Variants in ERAP1 observed in about 807,000 individuals in gnomAD.
The protein encoded by ERAP1 is endoplasmic reticulum aminopeptidase 1, also known as adipocyte-derived leucine aminopeptidase.
Under a neutral mutation model 103.7 loss-of-function variants are expected in ERAP1, and 86 were observed. The observed-to-expected ratio is 0.83, with a 90% CI of 0.70 to 0.99. The LOEUF is 0.99. Among genes scored for constraint, ERAP1 ranks in the 50% least tolerant of loss-of-function variants. The pLI is 0.00. For synonymous variants in ERAP1, 398 were observed against 402.4 expected (o/e 0.99, Z 0.13); for missense variants, 1,009 against 1,128.4 (o/e 0.89, Z 1.52).
chr5:96,803,478 T>G lies in ERAP1; in HGVS notation c.449A>C (p.His150Pro). The G allele has an allele frequency of 1.2e-6, 2 of 1,613,410 alleles. No homozygotes were observed. The highest frequency in any genetic ancestry group is 1.7e-6 in the Non-Finnish European group (2 of 1,179,850). Residue 150 changes from histidine (H) to proline (P), a missense_variant, in exon 2 of 19, where the codon CAC becomes CCC. By Grantham distance (77) the His-to-Pro change is moderately conservative. Coordinates refer to ENST00000443439, the MANE Select transcript of ERAP1 (RefSeq NM_001040458.3). ...AGTCTCCGAAAGATTGCCAGCATAG[T>G]GAATGACAACTGTGTACGGGAGCCC... ...LVGLPYTVVIHYAGNLSETFH... is the reference protein window; with the variant it reads ...LVGLPYTVVIPYAGNLSETFH...
At chr5:96,828,758 G>A in the ERAP1 span, among the ~76,000 whole-genome samples, 1 of 152,104 alleles carries the variant, frequency 6.6e-6, no homozygotes. Context: ...GAGGGGTCTG[G>A]AGAAGGTCAG....
rs1270331761 is a variant in ERAP1 at position 96,797,327 on chromosome 5, C to T, written c.664-18G>A. 1.2e-6 allele frequency: 2 copies of T among 1,613,020 alleles called. No homozygotes were observed. Among genetic ancestry groups the T allele is most frequent in the Admixed American group, 3.3e-5 (2 of 60,002 alleles). On this transcript the variant is annotated intron_variant, in intron 3 of 18. Coordinates refer to ENST00000443439, the MANE Select transcript of ERAP1 (RefSeq NM_001040458.3). ...GATTTCACCTAAAATCAGAATAATT[C>T]AAATTATCAAGTAATCCAATTATCC...
At chr5:96,768,857 C>T (rs1771038790) in intron 19 of ERAP1, 1 of 158,036 alleles carries the variant, frequency 6.3e-6, no homozygotes. Flanking sequence ...AGTTAGAGGC[C>T]TCTCTTCCAT....
At chr5:96,892,446 C>T in the ERAP1 span, 52 of 1,613,622 alleles carry the variant, frequency 3.2e-5, no homozygotes, top group East Asian at 6.7e-5. Flanking sequence ...CATGAACTGG[C>T]GCACCAGGTA....
the ERAP1 span, among the ~76,000 whole-genome samples, chr5:96,827,749 C>T: frequency 6.6e-6 from 1 of 152,106 alleles, no homozygotes; most frequent in African/African-American, 2.4e-5. Flanking sequence ...TTACTTTTCC[C>T]CTCTACCTCA....
the ERAP1 span, among the ~76,000 whole-genome samples, chr5:96,888,342 C>T: frequency 6.6e-6 from 1 of 152,208 alleles, no homozygotes; most frequent in Non-Finnish European, 1.5e-5. Context: ...AGGACAGGTT[C>T]CTGTCAGCCT....
chr5:96,831,933 A>G, the ERAP1 span, among the ~76,000 whole-genome samples: 4 of 152,220 alleles, frequency 2.6e-5, no homozygotes, highest in Admixed American at 2.6e-4. Context: ...ATTACAGTAA[A>G]CTGGACATAT....
chr5:96,819,888 T>A, the ERAP1 span, among the ~76,000 whole-genome samples: 1 of 152,326 alleles, frequency 6.6e-6, no homozygotes, highest in South Asian at 2.1e-4. Context: ...GGATTTAATA[T>A]TTACAATTTT....
chr5:96,894,933 A>G, the ERAP1 span, among the ~76,000 whole-genome samples: 4 of 152,112 alleles, frequency 2.6e-5, no homozygotes, highest in Admixed American at 2.6e-4. Flanking sequence ...TACCTCCATA[A>G]AGTGTTCCAT....
In ERAP1 at chr5:96,774,885, G is replaced by GTAT. The variant is rs1581503745; in HGVS notation, c.*1508_*1510dup. ...TCCAGAAGTCACTCTATTTTGTCGT[G>GTAT]TATTAGGGGAACACATTTTGACATT... On this transcript the variant is annotated 3_prime_UTR_variant, in exon 19 of 19. Transcript: ENST00000443439. The GTAT allele has an allele frequency of 1.0e-6, 1 of 985,100 alleles. No individual in the cohort carries two copies. The highest frequency in any genetic ancestry group is 4.7e-5 in the South Asian group (1 of 21,214). The allele number at this position is 985,100 out of a possible 1,614,324, so 61.0% of individuals were successfully genotyped here.
At chr5:96,904,009 G>T in the ERAP1 span, among the ~76,000 whole-genome samples, 1 of 151,682 alleles carries the variant, frequency 6.6e-6, no homozygotes, top group Non-Finnish European at 1.5e-5. Flanking sequence ...ATGTATTTAT[G>T]TTATTAGCTG....
In ERAP1 at chr5:96,795,139, G is replaced by A. The variant is rs771738565; in HGVS notation, c.822C>T (p.Asp274=). 9.3e-6 allele frequency: 15 copies of A among 1,613,568 alleles called. No homozygotes were observed. The highest frequency in any genetic ancestry group is 1.6e-4 in the Middle Eastern group (1 of 6,084). The change falls in exon 5 of 19, where the codon GAC becomes GAT. Residue 274 remains aspartate (D), a synonymous_variant. Transcript: ENST00000443439. ...GTGCATAATCTGCTTGATTTATCTT[G>A]TCTGGCACAGCATAAACAGAAACCT... is the stretch of plus-strand genomic sequence containing the variant. ...GVKVSVYAVP[D]KINQADYALD...
chr5:96,781,383 G>C (rs1775147471), intron 16 of ERAP1, among the ~76,000 whole-genome samples, 185 bp from the exon 17 acceptor site: 1 of 152,058 alleles, frequency 6.6e-6, no homozygotes, highest in Admixed American at 6.6e-5. Flanking sequence ...CATTTATATA[G>C]TGTTCATAAC....
the ERAP1 span, among the ~76,000 whole-genome samples, chr5:96,840,232 C>T: frequency 2.0e-5 from 3 of 152,154 alleles, no homozygotes; most frequent in Admixed American, 1.3e-4. Flanking sequence ...ATTTATATAT[C>T]GGGACTGTGT....
At chr5:96,811,916 T>C (rs890233120), upstream of ERAP1, among the ~76,000 whole-genome samples, 13 of 152,218 alleles carry the variant, frequency 8.5e-5, no homozygotes, top group African/African-American at 2.9e-4. Context: ...AATCCACCTG[T>C]CTCCAACCTT....
the ERAP1 span, among the ~76,000 whole-genome samples, chr5:96,853,303 T>C: frequency 6.6e-6 from 1 of 152,226 alleles, no homozygotes; most frequent in South Asian, 2.1e-4. Context: ...CTGCCCCAGT[T>C]TGAAGCAACC....
upstream of ERAP1, among the ~76,000 whole-genome samples, chr5:96,808,912 G>A (rs1778977984): frequency 6.6e-6 from 1 of 152,204 alleles, no homozygotes; most frequent in East Asian, 1.9e-4. Context: ...ATGGAGTAAA[G>A]TGAAAGCAAG....
the ERAP1 span, among the ~76,000 whole-genome samples, chr5:96,857,213 C>T: frequency 1.3e-5 from 2 of 152,212 alleles, no homozygotes; most frequent in African/African-American, 4.8e-5. Flanking sequence ...AAGAAGCCTT[C>T]CCTGATCTCC....
the ERAP1 span, chr5:96,886,910 G>C: frequency 1.0e-6 from 1 of 973,360 alleles, no homozygotes; most frequent in South Asian, 4.1e-5. Flanking sequence ...AGAAGAGATA[G>C]ATAAAAAACT....
Sources: allele counts gnomAD v4.1 joint callset (sites outside exome capture counted in the v4.1 genomes callset), GRCh38; gene constraint gnomAD v4.1.1; transcripts MANE v1.5; gene names NCBI Gene and HGNC (gene_info 2026-07-23, HGNC 2026-07-21).